MDGA2: variants seen among roughly 807,000 people sequenced by gnomAD.
The protein encoded by MDGA2 is MAM domain-containing glycosylphosphatidylinositol anchor protein 2.
Under a neutral mutation model 117.8 loss-of-function variants are expected in MDGA2, and 40 were observed. That is an observed-to-expected ratio of 0.34 (90% CI 0.26 to 0.44). The LOEUF is 0.44. MDGA2 is among the 20% of genes least tolerant of loss of function. The pLI, the probability that MDGA2 is intolerant of heterozygous loss-of-function variation, is 1.00. For synonymous variants in MDGA2, 452 were observed against 439.0 expected (o/e 1.03, Z -0.37); for missense variants, 1,123 against 1,250.6 (o/e 0.90, Z 1.54).
intron 1 of MDGA2, among the ~76,000 whole-genome samples, chr14:47,660,459 C>T (rs576962899): frequency 6.6e-6 from 1 of 152,244 alleles, no homozygotes; most frequent in African/African-American, 2.4e-5. Flanking sequence ...AAGCCTAAAA[C>T]AAATCACTAA....
chr14:47,588,245 T>TATATAG (rs1392502964), intron 1 of MDGA2, among the ~76,000 whole-genome samples: 3 of 85,442 alleles, frequency 3.5e-5, no homozygotes, highest in Non-Finnish European at 7.3e-5. Flanking sequence ...TAGATATATA[T>TATATAG]ATATATATAT....
In MDGA2 at chr14:47,613,847, T is replaced by C. The variant is rs1029329257; in HGVS notation, c.280+60670A>G. The stretch of plus-strand genomic sequence containing the variant: ...ATTTTACCTATACTTTTATATGAAC[T>C]ATTTTAAATTTCTTTCATCAGTTAT... On this transcript the variant is annotated intron_variant, in intron 1 of 16. Coordinates refer to ENST00000399232, the MANE Select transcript of MDGA2 (RefSeq NM_001113498.3). Among the ~76,000 whole-genome samples, 3 of 152,276 alleles carry C rather than the reference T, an allele frequency of 2.0e-5. No homozygotes were observed. In the East Asian group the frequency reaches 5.8e-4, roughly 29 times the overall value.
chr14:46,866,124 C>T (rs1395366818), intron 14 of MDGA2, among the ~76,000 whole-genome samples: 1 of 152,024 alleles, frequency 6.6e-6, no homozygotes. Context: ...AGGCATCACA[C>T]TACCTGACTT....
chr14:46,969,319 C>T (rs1443569666), intron 8 of MDGA2, among the ~76,000 whole-genome samples: 3 of 152,186 alleles, frequency 2.0e-5, no homozygotes, highest in Non-Finnish European at 4.4e-5. Context: ...CCAGAGGAAT[C>T]GCCACACTGA....
intron 6 of MDGA2, among the ~76,000 whole-genome samples, chr14:47,089,137 A>G (rs528128274): frequency 6.6e-6 from 1 of 152,292 alleles, no homozygotes; most frequent in Admixed American, 6.5e-5. Context: ...TCTGGAAAGA[A>G]TCCCTAGTAC....
intron 1 of MDGA2, among the ~76,000 whole-genome samples, chr14:47,302,806 G>A (rs539629290): frequency 3.9e-4 from 59 of 152,208 alleles, no homozygotes; most frequent in African/African-American, 1.2e-3. Context: ...TCTACCCATA[G>A]AGCTTAATAA....
chr14:47,322,970 T>C (rs1275847271), intron 1 of MDGA2, among the ~76,000 whole-genome samples: 3 of 151,764 alleles, frequency 2.0e-5, no homozygotes, highest in African/African-American at 4.8e-5. Context: ...ATGGTATTAA[T>C]AGAAATTCTG....
chr14:47,377,002 C>A (rs1891493684), intron 1 of MDGA2, among the ~76,000 whole-genome samples: 2 of 152,016 alleles, frequency 1.3e-5, no homozygotes, highest in South Asian at 4.1e-4. Context: ...AGGTTAAATT[C>A]TTTGGATTTG....
intron 1 of MDGA2, among the ~76,000 whole-genome samples, chr14:47,595,564 A>AC (rs59143027): frequency 0.13 from 19,214 of 146,582 alleles, 1,513 homozygotes; most frequent in African/African-American, 0.2. Flanking sequence ...AAACAAAAAA[A>AC]AAAAAAACCC....
chr14:46,899,827 C>G (rs1883216433), intron 10 of MDGA2, among the ~76,000 whole-genome samples: 1 of 152,008 alleles, frequency 6.6e-6, no homozygotes, highest in Non-Finnish European at 1.5e-5. Flanking sequence ...CAAAATAGAT[C>G]TAACGTAAGA....
At chr14:47,177,838 T>C (rs112387164) in intron 3 of MDGA2, among the ~76,000 whole-genome samples, 3,598 of 152,140 alleles carry the variant, frequency 0.024, 148 homozygotes, top group African/African-American at 0.081. Flanking sequence ...AATTTTATGT[T>C]AATTTATTAT....
intron 1 of MDGA2, among the ~76,000 whole-genome samples, chr14:47,414,014 C>A (rs1892425892): frequency 6.6e-6 from 1 of 151,960 alleles, no homozygotes; most frequent in African/African-American, 2.4e-5. Flanking sequence ...AGAGTCTATT[C>A]AGAAGAAGAT....
intron 14 of MDGA2, among the ~76,000 whole-genome samples, chr14:46,860,177 ATC>A: frequency 1.3e-5 from 2 of 152,188 alleles, no homozygotes; most frequent in East Asian, 1.9e-4. Flanking sequence ...TCATCTCTAA[ATC>A]TCTCATTCCC....
In MDGA2 at chr14:46,996,181, C is replaced by CA. The variant is rs563851568; in HGVS notation, c.1820-38539dup. Reference sequence around the variant, plus strand: ...ATTGTCTAAGTTTTGCCATTGCTTTCAAAGAGCACTAAATTTCTGCTGATA... The same window carrying CA: ...ATTGTCTAAGTTTTGCCATTGCTTTCAAAAGAGCACTAAATTTCTGCTGATA... On this transcript the variant is annotated intron_variant, in intron 8 of 16. Coordinates refer to ENST00000399232, the MANE Select transcript of MDGA2 (RefSeq NM_001113498.3). Among the ~76,000 whole-genome samples the CA allele has an allele frequency of 1.4e-3, 213 of 152,248 alleles. 1 individual carries two copies. The highest frequency in any genetic ancestry group is 2.3e-3 in the Non-Finnish European group (158 of 68,018).
Position 46,841,785 on chromosome 14 carries a change from A to T in MDGA2, c.*146T>A, listed in dbSNP as rs1168844353. The T allele has an allele frequency of 3.8e-6, 2 of 533,308 alleles. No homozygotes were observed. The highest frequency in any genetic ancestry group is 6.7e-6 in the Non-Finnish European group (2 of 300,260). The allele number at this position is 533,308 out of a possible 1,614,324, so 33.0% of individuals were successfully genotyped here. On this transcript the variant is annotated 3_prime_UTR_variant, in exon 17 of 17. Coordinates refer to ENST00000399232, the MANE Select transcript of MDGA2 (RefSeq NM_001113498.3). ...TGATGTCTTTTTATCCCCAGTGCTT[A>T]AAAAAATTTGTTTTTATTATTTTAT...
intron 3 of MDGA2, among the ~76,000 whole-genome samples, chr14:47,163,079 C>T (rs187237619): frequency 6.6e-6 from 1 of 152,256 alleles, no homozygotes; most frequent in Admixed American, 6.5e-5. Context: ...GGTTATTCTT[C>T]TTTGTCACAT....
chr14:47,457,211 C>T (rs897227712), intron 1 of MDGA2, among the ~76,000 whole-genome samples: 3 of 151,972 alleles, frequency 2.0e-5, no homozygotes, highest in Non-Finnish European at 2.9e-5. Context: ...TATATTCTCC[C>T]ATAAAAGGAA....
At chr14:47,167,158 G>A (rs915362697) in intron 3 of MDGA2, among the ~76,000 whole-genome samples, 11 of 151,420 alleles carry the variant, frequency 7.3e-5, no homozygotes, top group Non-Finnish European at 1.6e-4. Context: ...AAATGCAGAT[G>A]TGACCATCCA....
At chr14:47,656,806 A>G (rs369710943) in intron 1 of MDGA2, among the ~76,000 whole-genome samples, 1 of 152,134 alleles carries the variant, frequency 6.6e-6, no homozygotes. Context: ...TCCTCCATCA[A>G]ATGTAAACTT....
Sources: gnomAD v4.1 joint callset for allele counts (sites outside exome capture counted in the v4.1 genomes callset) on GRCh38, gnomAD v4.1.1 for gene constraint, MANE v1.5 for transcripts, NCBI Gene and HGNC (gene_info 2026-07-23, HGNC 2026-07-21) for gene names.